Variants in GNG13 observed in about 807,000 individuals in gnomAD.
GNG13 encodes the protein G protein subunit gamma 13, also known as guanine nucleotide-binding protein G(I)/G(S)/G(O) subunit gamma-13.
Under a neutral mutation model 8.2 loss-of-function variants are expected in GNG13, and 12 were observed. The ratio of observed to expected loss-of-function variants is 1.47; its 90% confidence interval spans 0.94 to 2.38. The LOEUF (loss-of-function observed/expected upper bound fraction) is 2.38. GNG13 is among the 30% of genes most tolerant of loss of function. The pLI is 0.00. For synonymous variants in GNG13, 45 were observed against 33.0 expected, an observed-to-expected ratio of 1.37 and a Z score of -1.25; for missense variants, 100 against 85.2, an observed-to-expected ratio of 1.17 and a Z score of -0.68.
chr16:798,849 AGT>A (rs2042422195), intron 2 of GNG13, 25 bp from the exon 3 acceptor site: 2 of 1,516,174 alleles, frequency 1.3e-6, no homozygotes, highest in Admixed American at 3.3e-5. Context: ...GTGGCAGGTG[AGT>A]GGTGGCACCT....
intron 1 of GNG13, among the ~76,000 whole-genome samples, chr16:799,991 C>T (rs913302120): frequency 3.9e-5 from 6 of 152,080 alleles, no homozygotes; most frequent in African/African-American, 1.4e-4. Flanking sequence ...GGCTCCTGGC[C>T]CAACAGTCTC....
Position 798,689 on chromosome 16 carries a change from G to A in GNG13, c.*30C>T, listed in dbSNP as rs776489354. On this transcript the variant is annotated 3_prime_UTR_variant, in exon 3 of 3. Transcript: ENST00000248150. Reference sequence around the variant, plus strand: ...GAGTGGGGCCGGGCGTGGTCTCACAGGATGGTGTGAGAGGGGCCGGGTGCG... The same window carrying A: ...GAGTGGGGCCGGGCGTGGTCTCACAAGATGGTGTGAGAGGGGCCGGGTGCG... 7.5e-7 allele frequency: 1 copy of A among 1,332,606 alleles called. No individual in the cohort carries two copies. Among genetic ancestry groups the A allele is most frequent in the South Asian group, 1.2e-5 (1 of 85,236 alleles). The allele number at this position is 1,332,606 out of a possible 1,614,324, so 82.5% of individuals were successfully genotyped here. A position where few individuals can be genotyped will look rare whatever the true frequency, so the allele number is the denominator to read the frequency against.
Position 798,713 on chromosome 16 carries a change from CG to C in GNG13, c.*5del. ...AGGATGGTGTGAGAGGGGCCGGGTGCGGGGCTCACAGGATGGTGCATTTGCC... is the reference window on the plus strand; with the variant it reads ...AGGATGGTGTGAGAGGGGCCGGGTGCGGGCTCACAGGATGGTGCATTTGCC... On this transcript the variant is annotated 3_prime_UTR_variant, in exon 3 of 3. Transcript: ENST00000248150. 1.3e-6 allele frequency: 2 copies of C among 1,551,446 alleles called. No individual in the cohort carries two copies. Among genetic ancestry groups the C allele is most frequent in the Non-Finnish European group, 1.8e-6 (2 of 1,128,350 alleles).
At chr16:799,345 C>T (rs1044485196) in intron 1 of GNG13, among the ~76,000 whole-genome samples, 9 of 152,208 alleles carry the variant, frequency 5.9e-5, no homozygotes, top group South Asian at 2.1e-4. Context: ...AACTTTACAT[C>T]CTCAGCTACT....
At chr16:800,229 G>A (rs141897014) in intron 1 of GNG13, among the ~76,000 whole-genome samples, 1,713 of 152,232 alleles carry the variant, frequency 0.011, 23 homozygotes, top group Admixed American at 0.021. Flanking sequence ...ACCCCTACCC[G>A]CCCCCATCCC....
chr16:799,032 G>A lies in GNG13; in HGVS notation c.46C>T (p.Leu16Phe). ...VPQMKKEVES[L>F]KYQLAFQREM... ...CGCTGGAAGGCCAGCTGGTACTTGA[G>A]GCTCTCCACCTCTTTCTTCATCTGT... Residue 16 changes from leucine to phenylalanine, a missense_variant, in exon 2 of 3, where the codon CTC (leucine) becomes TTC (phenylalanine). By Grantham distance (22) the Leu-to-Phe change is conservative (BLOSUM62 0). Coordinates refer to ENST00000248150, the MANE Select transcript of GNG13 (RefSeq NM_016541.3). 1 of 1,611,780 alleles carries A rather than the reference G, an allele frequency of 6.2e-7. No homozygotes were observed. The highest frequency in any genetic ancestry group is 8.5e-7 in the Non-Finnish European group (1 of 1,178,160).
At chr16:800,615 G>C (rs570569891) in intron 1 of GNG13, 51 bp downstream of exon 1, 2 of 152,230 alleles carry the variant, frequency 1.3e-5, no homozygotes, top group Non-Finnish European at 2.9e-5. Flanking sequence ...GCTGAGAGTC[G>C]AGGGGCCTCC....
chr16:799,965 C>T (rs1427316936), intron 1 of GNG13, among the ~76,000 whole-genome samples: 1 of 152,116 alleles, frequency 6.6e-6, no homozygotes, highest in Non-Finnish European at 1.5e-5. Flanking sequence ...GGGAGCCTGC[C>T]TCTGGCTGTG....
chr16:798,935 C>T (rs762290059), intron 2 of GNG13, 45 bp downstream of exon 2: 3 of 1,384,138 alleles, frequency 2.2e-6, no homozygotes, highest in African/African-American at 1.4e-5. Context: ...GCAGCCAGCG[C>T]AGGGCAGACA....
intron 1 of GNG13, 117 bp from the exon 2 acceptor site, chr16:799,228 C>T (rs2151653903): frequency 3.2e-6 from 2 of 634,416 alleles, no homozygotes; most frequent in East Asian, 5.5e-5. Flanking sequence ...GAGTCCACAC[C>T]ACTGCCTGGG....
At chr16:799,433 C>T (rs2042428603) in intron 1 of GNG13, among the ~76,000 whole-genome samples, 2 of 152,212 alleles carry the variant, frequency 1.3e-5, no homozygotes, top group South Asian at 4.1e-4. Flanking sequence ...GCCCCCAGCT[C>T]CTACCCTCCC....
rs777043086 is a variant in GNG13, at chr16:799,176, TCCCCGCAGGCCTGAGCTGAA to T, written c.-34-85_-34-66del. Reference sequence around the variant, plus strand: ...AGCCTGTAGTCCCCACCCCCGCTGCTCCCCGCAGGCCTGAGCTGAACCCCGCAGGATGAAGCGGGGAGAGT... The same window carrying T: ...AGCCTGTAGTCCCCACCCCCGCTGCTCCCCGCAGGATGAAGCGGGGAGAGT... On this transcript the variant is annotated intron_variant, in intron 1 of 2. Transcript: ENST00000248150. 1,080 of 724,318 alleles carry T rather than the reference TCCCCGCAGGCCTGAGCTGAA, an allele frequency of 1.5e-3. 3 individuals carry two copies. Among genetic ancestry groups the T allele is most frequent in the Non-Finnish European group, 2.3e-3 (932 of 403,618 alleles). 44.9% of individuals were successfully genotyped at this position (724,318 alleles called of 1,614,324 possible). A position where few individuals can be genotyped will look rare whatever the true frequency, so the allele number is the denominator to read the frequency against.
chr16:798,810 A>G lies in GNG13; in HGVS notation c.113T>C (p.Ile38Thr), dbSNP rs1224635102. ...SKTIPELLKW[I>T]EDGIPKDPFL... is the part of the protein sequence containing the mutation. Reference sequence around the variant, plus strand: ...GGGGTCCTTGGGGATCCCGTCCTCGATCCACTTCAGCAGCCTGCGGGTGGG... The same window carrying G: ...GGGGTCCTTGGGGATCCCGTCCTCGGTCCACTTCAGCAGCCTGCGGGTGGG... The change falls in exon 3 of 3, where the codon ATC (isoleucine) becomes ACC (threonine). Residue 38 changes from isoleucine (I) to threonine (T), a missense_variant. Physicochemically the swap from Ile to Thr is moderately conservative, Grantham distance 89. Transcript: ENST00000248150. 6.2e-7 allele frequency: 1 copy of G among 1,611,700 alleles called. No homozygotes were observed. The highest frequency in any genetic ancestry group is 8.5e-7 in the Non-Finnish European group (1 of 1,178,574).
Position 798,576 on chromosome 16 carries a change from T to G in GNG13, c.*143A>C, listed in dbSNP as rs1366892923. ...AGGTTGGTGTGAGTGGGGCCGGGCA[T>G]GGGCTCACAGGATGGTGGGAGTGGG... On this transcript the variant is annotated 3_prime_UTR_variant, in exon 3 of 3. Coordinates refer to ENST00000248150, the MANE Select transcript of GNG13 (RefSeq NM_016541.3). 19 of 602,600 alleles carry G rather than the reference T, an allele frequency of 3.2e-5. No homozygotes were observed. The highest frequency in any genetic ancestry group is 1.3e-4 in the African/African-American group (4 of 29,794). 37.3% of individuals were successfully genotyped at this position (602,600 alleles called of 1,614,324 possible).
Position 798,042 on chromosome 16 carries a change from G to A in GNG13, c.*677C>T. On this transcript the variant is annotated 3_prime_UTR_variant, in exon 3 of 3. Transcript: ENST00000248150. Reference sequence around the variant, plus strand: ...AGTGCAGAGACAGGAAGCTGGAGATGTCTTTATAAAGTCACACCTTTACAG... The same window carrying A: ...AGTGCAGAGACAGGAAGCTGGAGATATCTTTATAAAGTCACACCTTTACAG... 2 of 1,549,060 alleles carry A rather than the reference G, an allele frequency of 1.3e-6. No homozygotes were observed. The highest frequency in any genetic ancestry group is 1.8e-5 in the Admixed American group (1 of 55,662).
At position 798,997 on chromosome 16, in the gene GNG13, C is replaced by T. The variant is rs774579197; in HGVS notation, c.81G>A (p.Ala27=). ...KYQLAFQREM[A]SKTIPELLKW... is the part of the protein sequence containing the mutation. ...GCACTCACTCGGGGATGGTCTTGGA[C>T]GCCATCTCCCGCTGGAAGGCCAGCT... Residue 27 remains alanine (A), a synonymous_variant, in exon 2 of 3, where the codon GCG becomes GCA. Coordinates refer to ENST00000248150, the MANE Select transcript of GNG13 (RefSeq NM_016541.3). The T allele has an allele frequency of 4.0e-5, 64 of 1,601,282 alleles. No individual in the cohort carries two copies. Among genetic ancestry groups the T allele is most frequent in the Non-Finnish European group, 4.8e-5 (56 of 1,168,736 alleles).
chr16:799,859 A>G lies in GNG13; in HGVS notation c.-34-748T>C, dbSNP rs571588012. Reference sequence around the variant, plus strand: ...CCCTACCCACTCCAGGGGCCCAGGGAGTCCCTCACTCCGTCCCAACTCTGG... The same window carrying G: ...CCCTACCCACTCCAGGGGCCCAGGGGGTCCCTCACTCCGTCCCAACTCTGG... On this transcript the variant is annotated intron_variant, in intron 1 of 2. Transcript: ENST00000248150. Among the ~76,000 whole-genome samples, 6 of 143,136 alleles carry G rather than the reference A, an allele frequency of 4.2e-5. 1 individual carries two copies. The highest frequency in any genetic ancestry group is 1.5e-4 in the African/African-American group (6 of 39,158). 93.9% of individuals were successfully genotyped at this position (143,136 alleles called of 152,430 possible).
At position 798,824 on chromosome 16, in the gene GNG13, C is replaced by T; in HGVS notation, c.99G>A (p.Glu33=). 2 of 1,604,336 alleles carry T rather than the reference C, an allele frequency of 1.2e-6. No individual in the cohort carries two copies. Among genetic ancestry groups the T allele is most frequent in the Middle Eastern group, 1.7e-4 (1 of 6,030 alleles). Residue 33 remains glutamate, a splice_region_variant and synonymous_variant, in exon 3 of 3, where the codon GAG becomes GAA. Coordinates refer to ENST00000248150, the MANE Select transcript of GNG13 (RefSeq NM_016541.3). ...TCCCGTCCTCGATCCACTTCAGCAG[C>T]CTGCGGGTGGGCGGGTGGCAGGTGA... The part of the protein sequence containing the change: ...QREMASKTIP[E]LLKWIEDGIP...
Position 798,100 on chromosome 16 carries a change from C to G in GNG13, c.*619G>C. 1 of 1,339,784 alleles carries G rather than the reference C, an allele frequency of 7.5e-7. No homozygotes were observed. Among genetic ancestry groups the G allele is most frequent in the South Asian group, 1.4e-5 (1 of 72,208 alleles). 83.0% of individuals were successfully genotyped at this position (1,339,784 alleles called of 1,614,324 possible). On this transcript the variant is annotated 3_prime_UTR_variant, in exon 3 of 3. Transcript: ENST00000248150. The stretch of plus-strand genomic sequence containing the variant: ...TCACGTGCGAGTGGAGTGGGGTTCA[C>G]AGGATGGTGGGAGTGGGGCCGGGCG...
Sources: gnomAD v4.1 joint callset for allele counts (sites outside exome capture counted in the v4.1 genomes callset) on GRCh38, gnomAD v4.1.1 for gene constraint, MANE v1.5 for transcripts, NCBI Gene and HGNC (gene_info 2026-07-23, HGNC 2026-07-21) for gene names.